The following RCN1 variants were observed in gnomAD, a reference collection of about 807,000 sequenced individuals.
RCN1 encodes reticulocalbin-1.
In RCN1, 14 loss-of-function variants were observed where a neutral mutation model predicts 34.7. The ratio of observed to expected loss-of-function variants is 0.40; its 90% CI spans 0.27 to 0.63. The LOEUF (loss-of-function observed/expected upper bound fraction) is 0.63. Ranked by LOEUF, RCN1 falls within the 30% of genes least tolerant of loss-of-function variation. The pLI is 0.37. For synonymous variants in RCN1, 125 were observed against 165.5 expected, an observed-to-expected ratio of 0.76 and a Z score of 1.88; for missense variants, 326 against 425.1, an observed-to-expected ratio of 0.77 and a Z score of 2.05.
chr11:32,101,022 G>A (rs1852031489), intron 4 of RCN1, among the ~76,000 whole-genome samples: 1 of 152,220 alleles, frequency 6.6e-6, no homozygotes, highest in Non-Finnish European at 1.5e-5. Context: ...AGTAGATGCA[G>A]CTGTGATTAA....
At chr11:32,103,822 C>T (rs1388046014) in intron 5 of RCN1, among the ~76,000 whole-genome samples, 2 of 152,340 alleles carry the variant, frequency 1.3e-5, no homozygotes, top group Admixed American at 1.3e-4. Context: ...TCACCAAATA[C>T]TTATCAAACA....
At chr11:32,103,505 CTGAT>C (rs1852072534) in intron 5 of RCN1, 25 bp downstream of exon 5, 2 of 1,591,766 alleles carry the variant, frequency 1.3e-6, no homozygotes, top group South Asian at 1.1e-5. Flanking sequence ...TCTGGAATCA[CTGAT>C]TGAAGGGAGA....
chr11:32,091,342 C>T lies in RCN1; in HGVS notation c.146C>T (p.Pro49Leu). The T allele has an allele frequency of 2.6e-6, 4 of 1,548,656 alleles. No individual in the cohort carries two copies. The highest frequency in any genetic ancestry group is 3.5e-6 in the Non-Finnish European group (4 of 1,146,318). The change falls in exon 1 of 6, where the codon CCC becomes CTC. Residue 49 changes from proline to leucine, a missense_variant. Physicochemically the swap from Pro to Leu is moderately conservative, Grantham distance 98 (BLOSUM62 -3). Coordinates refer to ENST00000054950, the MANE Select transcript of RCN1 (RefSeq NM_002901.4). The part of the protein sequence containing the change: ...VRPDSELGER[P>L]PEDNQSFQYD... ...CCCGACTCGGAGCTGGGCGAGCGGC[C>T]CCCTGAGGACAACCAGAGCTTCCAG...
chr11:32,100,302 G>C (rs1309147182), intron 3 of RCN1, among the ~76,000 whole-genome samples: 1 of 150,098 alleles, frequency 6.7e-6, no homozygotes, highest in African/African-American at 2.4e-5. Flanking sequence ...GCACCTCTGG[G>C]GTTACAGGTA....
intron 1 of RCN1, among the ~76,000 whole-genome samples, chr11:32,094,179 T>C (rs533857604): frequency 2.1e-4 from 32 of 152,238 alleles, no homozygotes; most frequent in African/African-American, 7.2e-4. Flanking sequence ...CCCTCCAAGA[T>C]TGGGCTGAGG....
At position 32,091,250 on chromosome 11, in the gene RCN1, G is replaced by A. The variant is rs971284337; in HGVS notation, c.54G>A (p.Leu18=). 1 of 1,533,886 alleles carries A rather than the reference G, an allele frequency of 6.5e-7. No individual in the cohort carries two copies. Among genetic ancestry groups the A allele is most frequent in the Non-Finnish European group, 8.8e-7 (1 of 1,140,614 alleles). The change falls in exon 1 of 6, where the codon CTG becomes CTA. Residue 18 remains leucine (L), a synonymous_variant. Transcript: ENST00000054950. ...TGGGGTTAGCCCTGGGGCTGCTGCT[G>A]GCGCTGGTGCTGGCGCCGCGGGTTC... ...RRLGLALGLL[L]ALVLAPRVLR...
chr11:32,100,458 G>A (rs1027464800), intron 3 of RCN1, 90 bp from the exon 4 acceptor site: 15 of 1,095,990 alleles, frequency 1.4e-5, no homozygotes, highest in African/African-American at 1.2e-4. Context: ...GCATTCAGCC[G>A]TAAAAGCTGG....
chr11:32,091,563 C>T, intron 1 of RCN1, 113 bp downstream of exon 1: 1 of 1,375,998 alleles, frequency 7.3e-7, no homozygotes, highest in Non-Finnish European at 9.7e-7. Context: ...CGCGCGCGGC[C>T]TCGAGGATGG....
At position 32,097,372 on chromosome 11, in the gene RCN1, G is replaced by A. The variant is rs1851984821; in HGVS notation, c.448+35G>A. The A allele has an allele frequency of 6.1e-6, 9 of 1,464,600 alleles. No homozygotes were observed. In the East Asian group the frequency reaches 1.9e-4, roughly 32 times the overall value. The allele number at this position is 1,464,600 out of a possible 1,614,324, so 90.7% of individuals were successfully genotyped here. On this transcript the variant is annotated intron_variant, in intron 2 of 5. Coordinates refer to ENST00000054950, the MANE Select transcript of RCN1 (RefSeq NM_002901.4). ...GCTGCAGGAGCGATGACACAGTGGG[G>A]GCCCAGATCACAAGCTTTTTGTAGA...
intron 2 of RCN1, 63 bp downstream of exon 2, chr11:32,097,400 C>T (rs1345633232): frequency 1.6e-6 from 2 of 1,213,376 alleles, no homozygotes; most frequent in African/African-American, 1.5e-5. Flanking sequence ...TTTGTAGACT[C>T]TCTCTTCTCT....
At chr11:32,097,458 A>G (rs1851986221) in intron 2 of RCN1, 121 bp downstream of exon 2, 1 of 592,406 alleles carries the variant, frequency 1.7e-6, no homozygotes, top group East Asian at 3.2e-5. Context: ...CCTAAGTAGA[A>G]CCTGCTTGTA....
intron 3 of RCN1, among the ~76,000 whole-genome samples, chr11:32,098,794 T>C (rs1357065876): frequency 6.6e-6 from 1 of 152,150 alleles, no homozygotes; most frequent in Admixed American, 6.5e-5. Context: ...CTGAGCACAG[T>C]TGGGTACCCA....
chr11:32,101,961 CTT>C (rs1174051723), intron 4 of RCN1: 2 of 152,218 alleles, frequency 1.3e-5, no homozygotes, highest in African/African-American at 2.4e-5. Context: ...AGGCAGAACT[CTT>C]TGAGTGGCTT....
intron 2 of RCN1, among the ~76,000 whole-genome samples, chr11:32,098,139 C>T (rs1033514380): frequency 4.6e-5 from 7 of 152,152 alleles, no homozygotes; most frequent in Non-Finnish European, 7.4e-5. Context: ...TGCAGTAATT[C>T]CCCTAATATG....
At chr11:32,101,635 C>G (rs969811057) in intron 4 of RCN1, among the ~76,000 whole-genome samples, 1 of 152,166 alleles carries the variant, frequency 6.6e-6, no homozygotes, top group Non-Finnish European at 1.5e-5. Context: ...GAGCCAAACA[C>G]TGTTCCTTGT....
intron 3 of RCN1, among the ~76,000 whole-genome samples, chr11:32,099,596 G>A (rs1852012716): frequency 6.6e-6 from 1 of 152,116 alleles, no homozygotes; most frequent in Non-Finnish European, 1.5e-5. Context: ...TGTCTTGTTG[G>A]GTCCCAAATG....
At chr11:32,095,004 G>A (rs186019189) in intron 1 of RCN1, among the ~76,000 whole-genome samples, 2 of 152,320 alleles carry the variant, frequency 1.3e-5, no homozygotes, top group East Asian at 3.9e-4. Flanking sequence ...ATTTGGCATA[G>A]ATTAGATGCT....
At chr11:32,094,277 C>T (rs991307487) in intron 1 of RCN1, among the ~76,000 whole-genome samples, 46 of 152,138 alleles carry the variant, frequency 3.0e-4, no homozygotes, top group Admixed American at 2.9e-3. Context: ...CCTAAAGACA[C>T]CTGGACCAGA....
chr11:32,095,489 G>C (rs1565349919), intron 1 of RCN1, among the ~76,000 whole-genome samples: 1 of 151,950 alleles, frequency 6.6e-6, no homozygotes, highest in Non-Finnish European at 1.5e-5. Flanking sequence ...CTCACTGCAA[G>C]CTCAGCTTCC....
Sources: allele counts gnomAD v4.1 joint callset (sites outside exome capture counted in the v4.1 genomes callset), GRCh38; gene constraint gnomAD v4.1.1; transcripts MANE v1.5; gene names NCBI Gene and HGNC (gene_info 2026-07-23, HGNC 2026-07-21).